Variants in PCDH10 observed in about 807,000 individuals in gnomAD.
PCDH10 encodes protocadherin-10.
In PCDH10, 15 loss-of-function variants were observed where a neutral mutation model predicts 74.4. The observed-to-expected ratio is 0.20, with a 90% CI of 0.13 to 0.31. PCDH10 has a LOEUF of 0.31. Ranked by LOEUF, PCDH10 falls within the 10% of genes least tolerant of loss-of-function variation. The probability of loss-of-function intolerance (pLI) is 1.00; values close to 1 mark genes in which losing one functional copy is unlikely to be tolerated. For missense variants in PCDH10, 1,260 were observed against 1,390.2 expected (o/e 0.91, Z 1.49); for synonymous variants, 619 against 589.8 (o/e 1.05, Z -0.72).
chr4:133,205,534 C>T (rs1341942649), intron 2 of PCDH10, among the ~76,000 whole-genome samples: 1 of 152,118 alleles, frequency 6.6e-6, no homozygotes, highest in African/African-American at 2.4e-5. Flanking sequence ...TTTGTGAGCT[C>T]TTTCAATCTT....
intron 4 of PCDH10, among the ~76,000 whole-genome samples, chr4:133,181,580 C>G (rs1206855445): frequency 2.0e-5 from 3 of 151,996 alleles, no homozygotes; most frequent in Admixed American, 6.6e-5. Context: ...ATCGTACACA[C>G]TGTATTTTTT....
chr4:133,181,833 C>T (rs994647828), intron 4 of PCDH10, among the ~76,000 whole-genome samples: 4 of 151,992 alleles, frequency 2.6e-5, no homozygotes, highest in African/African-American at 7.2e-5. Context: ...ACTGTTTCTA[C>T]GTTGTATGTC....
At chr4:133,199,736 T>G (rs934954819) in intron 2 of PCDH10, among the ~76,000 whole-genome samples, 2 of 150,124 alleles carry the variant, frequency 1.3e-5, no homozygotes, top group Non-Finnish European at 1.5e-5. Flanking sequence ...CTGCATTATA[T>G]TTAAACAACT....
downstream of PCDH10, among the ~76,000 whole-genome samples, chr4:133,196,066 G>T (rs1727788518): frequency 6.6e-6 from 1 of 152,142 alleles, no homozygotes; most frequent in Non-Finnish European, 1.5e-5. Flanking sequence ...AGGATTAGGT[G>T]AACTGATGAA....
intron 2 of PCDH10, 90 bp from the exon 3 acceptor site, chr4:133,154,827 A>T (rs947769858): frequency 2.3e-6 from 2 of 881,738 alleles, no homozygotes; most frequent in African/African-American, 3.3e-5. Flanking sequence ...GTGAGTCTGC[A>T]GCACCATCTG....
chr4:133,187,334 A>C (rs2125872699), intron 4 of PCDH10, among the ~76,000 whole-genome samples: 1 of 152,232 alleles, frequency 6.6e-6, no homozygotes, highest in Non-Finnish European at 1.5e-5. Context: ...AAGATAATTT[A>C]ACATATTTAG....
chr4:133,197,828 G>T (rs574179084), downstream of PCDH10, among the ~76,000 whole-genome samples: 2 of 152,014 alleles, frequency 1.3e-5, no homozygotes, highest in Admixed American at 6.6e-5. Flanking sequence ...AGAAGTGTTG[G>T]CATGGTGAAT....
chr4:133,202,939 G>A (rs1727931679), intron 2 of PCDH10, among the ~76,000 whole-genome samples: 1 of 152,104 alleles, frequency 6.6e-6, no homozygotes, highest in African/African-American at 2.4e-5. Context: ...GAGAGGTGAG[G>A]CCACTTGGTC....
downstream of PCDH10, among the ~76,000 whole-genome samples, chr4:133,198,701 T>G (rs1468106251): frequency 6.6e-6 from 1 of 152,166 alleles, no homozygotes; most frequent in African/African-American, 2.4e-5. Context: ...CAAAAATATG[T>G]AATACTGGCA....
rs1726658259 is a variant in PCDH10 at position 133,150,821 on chromosome 4, G to A, written c.681G>A (p.Gln227=). 6.4e-7 allele frequency: 1 copy of A among 1,564,162 alleles called. No individual in the cohort carries two copies. Among genetic ancestry groups the A allele is most frequent in the South Asian group, 1.1e-5 (1 of 87,166 alleles). ...GGGGGAGLPP[Q]QQRTGTALLT... ...GCGGGGGAGCAGGCCTGCCCCCCCA[G>A]CAGCAGCGCACCGGCACGGCCCTAC... Residue 227 remains glutamine, a synonymous_variant, in exon 1 of 5, where the codon CAG becomes CAA. Coordinates refer to ENST00000264360, the MANE Select transcript of PCDH10 (RefSeq NM_032961.3).
In PCDH10 at chr4:133,194,604, C is replaced by G. The variant is rs1004540702; in HGVS notation, c.*4444C>G. On this transcript the variant is annotated 3_prime_UTR_variant, in exon 5 of 5. Transcript: ENST00000264360. ...ATATGAAATAAATAAAACTAGGATACATATTATGCCATTTTTCCATGCATG... is the reference window on the plus strand; with the variant it reads ...ATATGAAATAAATAAAACTAGGATAGATATTATGCCATTTTTCCATGCATG... The G allele has an allele frequency of 1.4e-4, 22 of 151,848 alleles. No individual in the cohort carries two copies. The highest frequency in any genetic ancestry group is 5.1e-4 in the African/African-American group (21 of 41,394). 9.4% of individuals were successfully genotyped at this position (151,848 alleles called of 1,614,324 possible).
chr4:133,151,026 C>T lies in PCDH10; in HGVS notation c.886C>T (p.Arg296Trp), dbSNP rs1430659367. 9.9e-6 allele frequency: 16 copies of T among 1,613,848 alleles called. No homozygotes were observed. The highest frequency in any genetic ancestry group is 1.3e-5 in the Non-Finnish European group (15 of 1,180,032). ...CTCCTTCAGCAGCCACATTTCGCCCCGGGCGCGGGAGCTTTTCGGACTCTC... is the reference window on the plus strand; with the variant it reads ...CTCCTTCAGCAGCCACATTTCGCCCTGGGCGCGGGAGCTTTTCGGACTCTC... ...VYSFSSHISP[R>W]ARELFGLSPR... The change falls in exon 1 of 5, where the codon CGG (arginine) becomes TGG (tryptophan). Residue 296 changes from arginine (R) to tryptophan (W), a missense_variant. Around this residue, in one of 11 missense-constraint regions of PCDH10, gnomAD observed 192 missense variants for 161.2 expected, o/e 1.19. Transcript: ENST00000264360.
intron 4 of PCDH10, among the ~76,000 whole-genome samples, chr4:133,189,802 C>T (rs937694663): frequency 6.6e-6 from 1 of 151,980 alleles, no homozygotes; most frequent in Admixed American, 6.6e-5. Context: ...GTAAGGGCCA[C>T]ACATTTTTTT....
rs190756707 is a variant in PCDH10 at position 133,181,213 on chromosome 4, T to G, written c.3104-8928T>G. 5.3e-5 allele frequency among the ~76,000 whole-genome samples: 8 copies of G among 152,068 alleles called. No homozygotes were observed. The East Asian group carries it at 9.7e-4, about 18-fold the overall frequency. On this transcript the variant is annotated intron_variant, in intron 4 of 4. Coordinates refer to ENST00000264360, the MANE Select transcript of PCDH10 (RefSeq NM_032961.3). ...TGTAATCATAATACAAAGAAATAAT[T>G]TAAATAACAGTTAAGATTATACAAT...
At chr4:133,205,241 A>G (rs1727978934) in intron 2 of PCDH10, among the ~76,000 whole-genome samples, 1 of 152,194 alleles carries the variant, frequency 6.6e-6, no homozygotes, top group Non-Finnish European at 1.5e-5. Flanking sequence ...AAGGGTGAAC[A>G]GTATCTAGCA....
At chr4:133,155,299 G>A (rs1318218185) in intron 3 of PCDH10, among the ~76,000 whole-genome samples, 1 of 152,178 alleles carries the variant, frequency 6.6e-6, no homozygotes, top group East Asian at 1.9e-4. Context: ...TGGACACATT[G>A]CATACAGAAA....
rs1727186510 is a variant in PCDH10, at chr4:133,170,775, C to T, written c.3103+7493C>T. On this transcript the variant is annotated intron_variant, in intron 4 of 4. Transcript: ENST00000264360. ...TGGTGCGATCTTGGCTCACTGCCAC[C>T]TCCACCTCCCGGGTTCGAGCGATTT... 1.3e-5 allele frequency among the ~76,000 whole-genome samples: 2 copies of T among 152,108 alleles called. 1 individual carries two copies. Among genetic ancestry groups the T allele is most frequent in the South Asian group, 4.1e-4 (2 of 4,828 alleles).
At chr4:133,202,121 G>A (rs1727919722) in intron 2 of PCDH10, among the ~76,000 whole-genome samples, 1 of 152,120 alleles carries the variant, frequency 6.6e-6, no homozygotes, top group Non-Finnish European at 1.5e-5. Context: ...AGGATGTGAA[G>A]TAGGCACTTG....
intron 3 of PCDH10, among the ~76,000 whole-genome samples, chr4:133,160,786 A>G (rs1035066056): frequency 2.6e-5 from 4 of 151,904 alleles, no homozygotes; most frequent in African/African-American, 7.2e-5. Context: ...GTTCTAATGT[A>G]TATTGGAATG....
Sources: gnomAD v4.1 joint callset for allele counts (sites outside exome capture counted in the v4.1 genomes callset) on GRCh38, gnomAD v4.1.1 for gene constraint, gnomAD v4.1.1 regional missense constraint, MANE v1.5 for transcripts, NCBI Gene and HGNC (gene_info 2026-07-23, HGNC 2026-07-21) for gene names.